Variants in MRPS28 observed in about 807,000 individuals in gnomAD.
MRPS28 encodes mitochondrial ribosomal protein S28.
Under a neutral mutation model 10.8 loss-of-function variants are expected in MRPS28, and 7 were observed. That is an observed-to-expected ratio of 0.65 (90% CI 0.37 to 1.22). MRPS28 has a LOEUF of 1.22. Among genes scored for constraint, MRPS28 ranks in the 50% most tolerant of loss-of-function variants. The pLI is 0.02. For synonymous variants in MRPS28, 121 were observed against 93.3 expected (o/e 1.30, Z -1.71); for missense variants, 265 against 232.9 (o/e 1.14, Z -0.90).
At chr8:79,939,116 A>T (rs1284243096) in intron 2 of MRPS28, among the ~76,000 whole-genome samples, 1 of 152,180 alleles carries the variant, frequency 6.6e-6, no homozygotes, top group African/African-American at 2.4e-5. Flanking sequence ...ACCTCACCCA[A>T]CTTTCACTAA....
chr8:80,029,996 C>T (rs373589774), intron 1 of MRPS28, 40 bp downstream of exon 1: 6 of 1,601,530 alleles, frequency 3.7e-6, no homozygotes, highest in Non-Finnish European at 5.1e-6. Flanking sequence ...GCGTCGTTGG[C>T]GTAATTCCCG....
intron 1 of MRPS28, among the ~76,000 whole-genome samples, chr8:80,018,682 G>A (rs966494349): frequency 6.6e-6 from 1 of 152,200 alleles, no homozygotes; most frequent in Admixed American, 6.5e-5. Flanking sequence ...GTATACTGAA[G>A]AGACATTTCC....
At chr8:80,012,241 T>C (rs1387618987) in intron 1 of MRPS28, among the ~76,000 whole-genome samples, 16 of 152,218 alleles carry the variant, frequency 1.1e-4, no homozygotes, top group East Asian at 1.9e-4. Flanking sequence ...TTTTAAATTG[T>C]AGCTTATTAT....
chr8:80,023,482 T>C (rs996646014), intron 1 of MRPS28, among the ~76,000 whole-genome samples: 3 of 152,146 alleles, frequency 2.0e-5, no homozygotes, highest in Non-Finnish European at 4.4e-5. Context: ...TTAGATATTC[T>C]GTCTTCTGGA....
rs1586108475 is a variant in MRPS28, at chr8:80,030,165, A to G, written c.84T>C (p.Gly28=). 3.7e-6 allele frequency: 6 copies of G among 1,613,248 alleles called. No homozygotes were observed. The East Asian group carries it at 1.3e-4, about 36-fold the overall frequency. The change falls in exon 1 of 3, where the codon GGT becomes GGC. Residue 28 remains glycine (G), a synonymous_variant. Transcript: ENST00000276585. ...TTTCGGATCCACTCTCAGTGCCTAC[A>G]CCCCGAAAGGGCCTGAAGAAGAGAA... The part of the protein sequence containing the change: ...RVFLFFRPFR[G]VGTESGSESG...
chr8:79,919,088 C>G lies in MRPS28; in HGVS notation c.456G>C (p.Arg152Ser). 1 of 1,610,772 alleles carries G rather than the reference C, an allele frequency of 6.2e-7. No homozygotes were observed. Among genetic ancestry groups the G allele is most frequent in the South Asian group, 1.1e-5 (1 of 90,382 alleles). ...LRLLDLELTSRFLGATTDTTV... is the reference protein window; with the variant it reads ...LRLLDLELTSSFLGATTDTTV... The stretch of plus-strand genomic sequence containing the variant: ...TTGTATCTGTTGTTGCTCCCAGGAA[C>G]CTAGACGTAAGTTCAAGATCTAATA... Residue 152 changes from arginine to serine, a missense_variant, in exon 3 of 3, where the codon AGG becomes AGC. Transcript: ENST00000276585.
Position 79,958,464 on chromosome 8 carries a change from A to C in MRPS28, c.396-39316T>G, listed in dbSNP as rs557396173. Reference sequence around the variant, plus strand: ...AGTGAAGGAGAAAATGTTGAGATTCAGAAGAACTCAAGGCTATTTTAAAAA... The same window carrying C: ...AGTGAAGGAGAAAATGTTGAGATTCCGAAGAACTCAAGGCTATTTTAAAAA... On this transcript the variant is annotated intron_variant, in intron 2 of 2. Coordinates refer to ENST00000276585, the MANE Select transcript of MRPS28 (RefSeq NM_014018.3). 1.7e-4 allele frequency: 107 copies of C among 639,964 alleles called. No homozygotes were observed. The African/African-American group carries it at 1.8e-3, about 11-fold the overall frequency. The allele number at this position is 639,964 out of a possible 1,614,324, so 39.6% of individuals were successfully genotyped here. A position where few individuals can be genotyped will look rare whatever the true frequency, so the allele number is the denominator to read the frequency against.
intron 1 of MRPS28, among the ~76,000 whole-genome samples, chr8:80,014,272 C>T (rs1262798674): frequency 1.3e-5 from 2 of 152,072 alleles, no homozygotes; most frequent in Non-Finnish European, 2.9e-5. Context: ...TGGTAATAGG[C>T]ATGTATTATC....
intron 2 of MRPS28, among the ~76,000 whole-genome samples, chr8:79,966,432 C>A (rs1159609749): frequency 6.6e-6 from 1 of 152,028 alleles, no homozygotes; most frequent in Non-Finnish European, 1.5e-5. Flanking sequence ...GGTACATTTA[C>A]ACAAGTTGAC....
Position 80,030,213 on chromosome 8 carries a change from G to C in MRPS28, c.36C>G (p.Ala12=). The C allele has an allele frequency of 6.2e-7, 1 of 1,614,064 alleles. No homozygotes were observed. Among genetic ancestry groups the C allele is most frequent in the Admixed American group, 1.7e-5 (1 of 60,030 alleles). The change falls in exon 1 of 3, where the codon GCC becomes GCG. Residue 12 remains alanine, a synonymous_variant. Coordinates refer to ENST00000276585, the MANE Select transcript of MRPS28 (RefSeq NM_014018.3). ...AALCRTRAVA[A]ESHFLRVFLF... Reference sequence around the variant, plus strand: ...GAAACACTCGCAGAAAATGGCTCTCGGCAGCCACAGCACGGGTCCGACACA... The same window carrying C: ...GAAACACTCGCAGAAAATGGCTCTCCGCAGCCACAGCACGGGTCCGACACA...
At chr8:79,919,590 T>C (rs1048227466) in intron 2 of MRPS28, among the ~76,000 whole-genome samples, 41 of 152,166 alleles carry the variant, frequency 2.7e-4, no homozygotes, top group African/African-American at 9.4e-4. Context: ...CACCTTGGCC[T>C]CCTAAATTTT....
chr8:80,027,722 G>A (rs1405445711), intron 1 of MRPS28, among the ~76,000 whole-genome samples: 1 of 152,162 alleles, frequency 6.6e-6, no homozygotes, highest in Non-Finnish European at 1.5e-5. Flanking sequence ...CTTGCTGAAC[G>A]GAGACTACAA....
At chr8:79,993,011 T>C (rs1808407844) in intron 2 of MRPS28, among the ~76,000 whole-genome samples, 1 of 152,224 alleles carries the variant, frequency 6.6e-6, no homozygotes, top group Non-Finnish European at 1.5e-5. Flanking sequence ...GCTGAAATTC[T>C]GAGTCCCTAT....
chr8:80,009,524 G>A (rs986622041), intron 1 of MRPS28, among the ~76,000 whole-genome samples: 10 of 152,206 alleles, frequency 6.6e-5, no homozygotes, highest in African/African-American at 2.4e-4. Context: ...GCCGAGGAAG[G>A]AGAATCACTT....
chr8:79,975,953 T>C (rs969112360), intron 2 of MRPS28, among the ~76,000 whole-genome samples: 2 of 152,220 alleles, frequency 1.3e-5, no homozygotes, highest in African/African-American at 4.8e-5. Flanking sequence ...TAAAATGCTA[T>C]GCAGTCTTTA....
intron 1 of MRPS28, among the ~76,000 whole-genome samples, chr8:80,027,836 A>C (rs187003508): frequency 2.7e-4 from 41 of 152,324 alleles, no homozygotes; most frequent in Admixed American, 1.2e-3. Context: ...TCACAACCAA[A>C]CACATTTACC....
intron 2 of MRPS28, among the ~76,000 whole-genome samples, chr8:79,938,410 C>T (rs957837678): frequency 1.4e-5 from 2 of 142,962 alleles, no homozygotes; most frequent in Non-Finnish European, 3.0e-5. Context: ...CCTGTTCTCT[C>T]TGATTGTGGG....
intron 2 of MRPS28, among the ~76,000 whole-genome samples, chr8:79,945,917 A>G (rs747800451): frequency 6.6e-6 from 1 of 152,190 alleles, no homozygotes; most frequent in Non-Finnish European, 1.5e-5. Context: ...GTTATTCTAG[A>G]TACTAACCCA....
intron 1 of MRPS28, among the ~76,000 whole-genome samples, chr8:80,021,891 G>A (rs532576737): frequency 3.0e-4 from 45 of 152,162 alleles, no homozygotes; most frequent in Non-Finnish European, 5.9e-4. Context: ...CATTTTAGAA[G>A]ACTATAGTAT....
Sources: gnomAD v4.1 joint callset for allele counts (sites outside exome capture counted in the v4.1 genomes callset) on GRCh38, gnomAD v4.1.1 for gene constraint, MANE v1.5 for transcripts, NCBI Gene and HGNC (gene_info 2026-07-23, HGNC 2026-07-21) for gene names.